The following GRIP1 variants were observed in gnomAD, a reference collection of about 807,000 sequenced individuals.
The protein encoded by GRIP1 is glutamate receptor interacting protein 1.
In GRIP1, 45 loss-of-function variants were observed where a neutral mutation model predicts 129.9. The observed-to-expected ratio is 0.35, with a 90% confidence interval of 0.27 to 0.44. GRIP1 has a LOEUF of 0.44. Ranked by LOEUF, GRIP1 falls within the 20% of genes least tolerant of loss-of-function variation. The pLI, the probability that GRIP1 is intolerant of heterozygous loss-of-function variation, is 1.00. For synonymous variants in GRIP1, 530 were observed against 520.8 expected, an observed-to-expected ratio of 1.02 and a Z score of -0.24; for missense variants, 1,196 against 1,396.8, an observed-to-expected ratio of 0.86 and a Z score of 2.29.
chr12:66,825,275 C>T (rs1019679771), intron 1 of GRIP1, among the ~76,000 whole-genome samples: 13 of 152,030 alleles, frequency 8.6e-5, no homozygotes, highest in South Asian at 4.1e-4. Flanking sequence ...ATTTTTGCTT[C>T]GTAATTCATT....
chr12:66,977,787 A>G (rs1289973526), intron 1 of GRIP1, among the ~76,000 whole-genome samples: 1 of 134,950 alleles, frequency 7.4e-6, no homozygotes, highest in Non-Finnish European at 1.6e-5. Context: ...TTATTACTAT[A>G]GTCAGTTCTA....
chr12:66,447,315 C>T (rs1246384577), intron 11 of GRIP1, among the ~76,000 whole-genome samples: 21 of 152,210 alleles, frequency 1.4e-4, no homozygotes, highest in Admixed American at 1.2e-3. Flanking sequence ...CCGGTCAACT[C>T]CACTGTTGTT....
chr12:66,715,803 G>T (rs553293615), intron 1 of GRIP1, among the ~76,000 whole-genome samples: 13 of 152,158 alleles, frequency 8.5e-5, no homozygotes, highest in Non-Finnish European at 1.3e-4. Flanking sequence ...AGATTTAGAA[G>T]TTTAAGAAGG....
chr12:67,049,614 G>A (rs1017807211), intron 1 of GRIP1, among the ~76,000 whole-genome samples: 1 of 151,976 alleles, frequency 6.6e-6, no homozygotes, highest in African/African-American at 2.4e-5. Flanking sequence ...TTATGCAAAT[G>A]GGGCTTAAAA....
chr12:66,930,839 T>C (rs1274633134), intron 1 of GRIP1, among the ~76,000 whole-genome samples: 2 of 152,110 alleles, frequency 1.3e-5, no homozygotes, highest in Non-Finnish European at 2.9e-5. Flanking sequence ...TTTAGAGAGC[T>C]CTTAGCCTCT....
chr12:67,068,425 A>G (rs1456069956), intron 1 of GRIP1, among the ~76,000 whole-genome samples: 3 of 152,028 alleles, frequency 2.0e-5, no homozygotes, highest in South Asian at 2.1e-4. Flanking sequence ...CTCATCTCCA[A>G]GCAGTCACTC....
At chr12:66,745,565 G>C (rs1005853029) in intron 1 of GRIP1, among the ~76,000 whole-genome samples, 1 of 152,152 alleles carries the variant, frequency 6.6e-6, no homozygotes, top group Admixed American at 6.6e-5. Flanking sequence ...GACTACAATA[G>C]AAGATAAATG....
intron 1 of GRIP1, among the ~76,000 whole-genome samples, chr12:67,049,731 A>G (rs1257920190): frequency 7.2e-6 from 1 of 138,816 alleles, no homozygotes; most frequent in East Asian, 2.0e-4. Flanking sequence ...AGTACAATTA[A>G]AAAAAAAAAA....
chr12:66,490,381 G>C (rs2060072742), intron 7 of GRIP1, among the ~76,000 whole-genome samples: 1 of 152,170 alleles, frequency 6.6e-6, no homozygotes, highest in Admixed American at 6.5e-5. Context: ...AATGGGGAAA[G>C]GATTCCTTAT....
At chr12:66,694,954 T>C (rs944115562) in intron 1 of GRIP1, among the ~76,000 whole-genome samples, 95 of 152,200 alleles carry the variant, frequency 6.2e-4, no homozygotes, top group African/African-American at 2.1e-3. Flanking sequence ...AGGTCCAACA[T>C]CTCTCTGAAG....
chr12:66,909,684 T>C (rs1315463651), intron 1 of GRIP1, among the ~76,000 whole-genome samples: 2 of 152,144 alleles, frequency 1.3e-5, no homozygotes, highest in Non-Finnish European at 2.9e-5. Flanking sequence ...GTAGAGACAG[T>C]GTGTGTGAGA....
At chr12:67,049,314 C>T (rs187468972) in intron 1 of GRIP1, among the ~76,000 whole-genome samples, 14 of 152,286 alleles carry the variant, frequency 9.2e-5, no homozygotes, top group Admixed American at 7.8e-4. Flanking sequence ...CAAATTTTGC[C>T]TCCGACATCT....
Position 66,693,998 on chromosome 12 carries a change from C to G in GRIP1, c.-419-63662G>C, listed in dbSNP as rs570050975. On this transcript the variant is annotated intron_variant, in intron 1 of 4. Coordinates refer to the GRIP1 transcript ENST00000538373. ...ACTTCTCAATTCTGCTACCTCTTCTCCAGATTTCTTAGCACTCTCAGGGCC... is the reference window on the plus strand; with the variant it reads ...ACTTCTCAATTCTGCTACCTCTTCTGCAGATTTCTTAGCACTCTCAGGGCC... Among the ~76,000 whole-genome samples, 6 of 152,274 alleles carry G rather than the reference C, an allele frequency of 3.9e-5. No homozygotes were observed. In the South Asian group the frequency reaches 1.2e-3, roughly 32 times the overall value.
chr12:66,450,635 C>T (rs1482942255), intron 11 of GRIP1, among the ~76,000 whole-genome samples: 2 of 151,692 alleles, frequency 1.3e-5, no homozygotes, highest in East Asian at 3.9e-4. Context: ...TTATATTATA[C>T]ATATAGCATT....
intron 13 of GRIP1, among the ~76,000 whole-genome samples, chr12:66,440,944 AGAG>A (rs2058455225): frequency 6.6e-6 from 1 of 152,230 alleles, no homozygotes; most frequent in African/African-American, 2.4e-5. Context: ...AGTTCTCAAA[AGAG>A]GAGCCCACAA....
chr12:66,753,748 T>C lies in GRIP1; in HGVS notation c.-420+50305A>G, dbSNP rs2037199998. On this transcript the variant is annotated intron_variant, in intron 1 of 4. Transcript: ENST00000538373. ...AGCTTGTGAGATCCTTGAAAGCAGATACTATTTTATTTAACTTTGAATTCT... is the reference window on the plus strand; with the variant it reads ...AGCTTGTGAGATCCTTGAAAGCAGACACTATTTTATTTAACTTTGAATTCT... Among the ~76,000 whole-genome samples the C allele has an allele frequency of 3.3e-5, 5 of 152,324 alleles. No individual in the cohort carries two copies. In the South Asian group the frequency reaches 1.0e-3, roughly 32 times the overall value.
chr12:66,710,557 C>A (rs530646439), intron 1 of GRIP1, among the ~76,000 whole-genome samples: 2 of 152,012 alleles, frequency 1.3e-5, no homozygotes, highest in South Asian at 4.1e-4. Flanking sequence ...TTTCTCACAT[C>A]CATTAACAAA....
At chr12:66,741,235 T>G (rs2136556860) in intron 1 of GRIP1, among the ~76,000 whole-genome samples, 1 of 152,334 alleles carries the variant, frequency 6.6e-6, no homozygotes, top group Admixed American at 6.5e-5. Context: ...CAGTTCTTAC[T>G]TTTTAAAAAA....
At chr12:66,419,244 A>C (rs1186567031) in intron 15 of GRIP1, among the ~76,000 whole-genome samples, 1 of 152,014 alleles carries the variant, frequency 6.6e-6, no homozygotes, top group African/African-American at 2.4e-5. Flanking sequence ...TTAAAAATCA[A>C]AATAACTGAA....
Sources: gnomAD v4.1 joint callset for allele counts (sites outside exome capture counted in the v4.1 genomes callset) on GRCh38, gnomAD v4.1.1 for gene constraint, MANE v1.5 for transcripts, NCBI Gene and HGNC (gene_info 2026-07-23, HGNC 2026-07-21) for gene names.